The following CDH11 variants were observed in gnomAD, a reference collection of about 807,000 sequenced individuals.
The protein encoded by CDH11 is cadherin 11.
Under a neutral mutation model 67.8 loss-of-function variants are expected in CDH11, and 11 were observed. The ratio of observed to expected loss-of-function variants is 0.16; its 90% CI spans 0.10 to 0.27. CDH11 has a LOEUF of 0.27. Among genes scored for constraint, CDH11 ranks in the 10% least tolerant of loss-of-function variants. The pLI, the probability that CDH11 is intolerant of heterozygous loss-of-function variation, is 1.00. For synonymous variants in CDH11, 419 were observed against 400.0 expected (o/e 1.05, Z -0.57); for missense variants, 847 against 1,031.2 (o/e 0.82, Z 2.45).
chr16:65,091,997 G>T (rs2074800248), intron 1 of CDH11, among the ~76,000 whole-genome samples: 1 of 151,996 alleles, frequency 6.6e-6, no homozygotes, highest in African/African-American at 2.4e-5. Flanking sequence ...GGATCTACCT[G>T]AACTCATTTC....
chr16:65,076,100 G>C (rs1440555010), intron 1 of CDH11, among the ~76,000 whole-genome samples: 1 of 152,172 alleles, frequency 6.6e-6, no homozygotes, highest in Non-Finnish European at 1.5e-5. Context: ...TGTGCCTTGA[G>C]AGTTTGCCAA....
intron 2 of CDH11, among the ~76,000 whole-genome samples, chr16:65,009,748 G>A (rs1002388333): frequency 6.6e-6 from 1 of 152,146 alleles, no homozygotes; most frequent in Admixed American, 6.5e-5. Flanking sequence ...CATATAGGAG[G>A]ACTTTATTTT....
chr16:64,973,751 A>G (rs750571197), intron 8 of CDH11, among the ~76,000 whole-genome samples: 34 of 152,168 alleles, frequency 2.2e-4, no homozygotes, highest in Non-Finnish European at 2.1e-4. Flanking sequence ...GGCTGCAGTT[A>G]GCCAAGATCA....
rs1332868409 is a variant in CDH11, at chr16:64,982,219, T to C, written c.1082A>G (p.Asn361Ser). The C allele has an allele frequency of 4.3e-6, 7 of 1,613,858 alleles. No individual in the cohort carries two copies. The highest frequency in any genetic ancestry group is 3.4e-6 in the Non-Finnish European group (4 of 1,179,880). Residue 361 changes from asparagine (N) to serine (S), a missense_variant, in exon 8 of 13, where the codon AAT becomes AGT. Coordinates refer to ENST00000268603, the MANE Select transcript of CDH11 (RefSeq NM_001797.4). Reference sequence around the variant, plus strand: ...GGTCACAGTGTCCTTGAAAGGGCCATTGCTGATAAACTTCGGGTCGATGTG... The same window carrying C: ...GGTCACAGTGTCCTTGAAAGGGCCACTGCTGATAAACTTCGGGTCGATGTG... ...NVHIDPKFISNGPFKDTVTVK... is the reference protein window; with the variant it reads ...NVHIDPKFISSGPFKDTVTVK...
chr16:65,022,056 C>A (rs923275880), intron 2 of CDH11, among the ~76,000 whole-genome samples: 3 of 152,030 alleles, frequency 2.0e-5, no homozygotes, highest in African/African-American at 2.4e-5. Context: ...ACTCACTAAG[C>A]TACAGTATGA....
At chr16:65,021,490 A>C (rs1379030835) in intron 2 of CDH11, among the ~76,000 whole-genome samples, 1 of 151,900 alleles carries the variant, frequency 6.6e-6, no homozygotes, top group Non-Finnish European at 1.5e-5. Flanking sequence ...GAGAAGAAAA[A>C]AGCTTTTCTT....
chr16:65,100,351 G>A (rs2074969049), intron 1 of CDH11, among the ~76,000 whole-genome samples: 1 of 152,016 alleles, frequency 6.6e-6, no homozygotes, highest in African/African-American at 2.4e-5. Context: ...AAAATACTAA[G>A]GAAGAAAGCA....
chr16:64,946,279 C>T lies in CDH11; in HGVS notation c.*1324G>A, dbSNP rs2071194328. The T allele has an allele frequency of 9.6e-7, 1 of 1,046,260 alleles. No individual in the cohort carries two copies. The highest frequency in any genetic ancestry group is 1.7e-5 in the African/African-American group (1 of 60,040). The allele number at this position is 1,046,260 out of a possible 1,614,324, so 64.8% of individuals were successfully genotyped here. Reference sequence around the variant, plus strand: ...TCTTACAATAGCCTGGTAAGTTCAACAGAAGAAAAAATAGAATAACATTAG... The same window carrying T: ...TCTTACAATAGCCTGGTAAGTTCAATAGAAGAAAAAATAGAATAACATTAG... On this transcript the variant is annotated 3_prime_UTR_variant, in exon 13 of 13. Coordinates refer to ENST00000268603, the MANE Select transcript of CDH11 (RefSeq NM_001797.4).
At chr16:65,050,793 G>A (rs566680533) in intron 2 of CDH11, among the ~76,000 whole-genome samples, 32 of 144,506 alleles carry the variant, frequency 2.2e-4, no homozygotes, top group Non-Finnish European at 4.2e-4. Flanking sequence ...TTAATTTCCA[G>A]GTTAAAAAAA....
chr16:65,071,825 G>A (rs1013700235), intron 1 of CDH11, among the ~76,000 whole-genome samples: 6 of 152,180 alleles, frequency 3.9e-5, no homozygotes, highest in African/African-American at 1.4e-4. Context: ...AGTACAGAAA[G>A]AGCAAAGGCA....
In CDH11 at chr16:64,945,301, TAAA is replaced by T. The variant is rs3046001; in HGVS notation, c.*2299_*2301del. On this transcript the variant is annotated 3_prime_UTR_variant, in exon 13 of 13. Transcript: ENST00000268603. Reference sequence around the variant, plus strand: ...AGAGGCTTAACGAAAAAATAAAAGGTAAAAAAAAAAAAAAAAAAGAAAAAGAAA... The same window carrying T: ...AGAGGCTTAACGAAAAAATAAAAGGTAAAAAAAAAAAAAAAGAAAAAGAAA... 0.1 allele frequency: 40,058 copies of T among 384,244 alleles called. 31 individuals are homozygous for T. The highest frequency in any genetic ancestry group is 0.15 in the East Asian group (1,563 of 10,546). The allele number at this position is 384,244 out of a possible 1,614,324, so 23.8% of individuals were successfully genotyped here. A position where few individuals can be genotyped will look rare whatever the true frequency, so the allele number is the denominator to read the frequency against.
chr16:65,018,612 C>T (rs1475240660), intron 2 of CDH11, among the ~76,000 whole-genome samples: 1 of 152,128 alleles, frequency 6.6e-6, no homozygotes, highest in Non-Finnish European at 1.5e-5. Flanking sequence ...ATTTTATTGA[C>T]TCTGAAATAA....
intron 3 of CDH11, among the ~76,000 whole-genome samples, chr16:65,003,838 G>A (rs1311281274): frequency 2.6e-5 from 4 of 152,148 alleles, no homozygotes; most frequent in African/African-American, 9.7e-5. Flanking sequence ...TCTAGCATCA[G>A]GACATAAGTA....
intron 1 of CDH11, among the ~76,000 whole-genome samples, chr16:65,095,892 G>A (rs908030626): frequency 1.3e-5 from 2 of 152,176 alleles, no homozygotes; most frequent in African/African-American, 2.4e-5. Flanking sequence ...AATCAAAAGA[G>A]CTCCCTGCCT....
chr16:64,986,831 C>T (rs548347298), intron 7 of CDH11: 1 of 151,974 alleles, frequency 6.6e-6, no homozygotes, highest in East Asian at 1.9e-4. Flanking sequence ...GTTTTGTGCT[C>T]TATAATATTT....
chr16:64,960,331 G>C (rs1333833329), intron 11 of CDH11, among the ~76,000 whole-genome samples: 1 of 152,148 alleles, frequency 6.6e-6, no homozygotes, highest in African/African-American at 2.4e-5. Flanking sequence ...AAGATTATAT[G>C]TTATGAAGTG....
chr16:65,105,180 G>T (rs1205478799), intron 1 of CDH11, among the ~76,000 whole-genome samples: 3 of 152,106 alleles, frequency 2.0e-5, no homozygotes, highest in African/African-American at 7.2e-5. Flanking sequence ...CTATATGAAG[G>T]CTGGGTTTTC....
chr16:65,003,276 G>T (rs2072969459), intron 3 of CDH11, among the ~76,000 whole-genome samples: 1 of 149,026 alleles, frequency 6.7e-6, no homozygotes, highest in African/African-American at 2.5e-5. Flanking sequence ...TTCATTTTTT[G>T]AGACAGAGTC....
intron 1 of CDH11, among the ~76,000 whole-genome samples, chr16:65,107,316 T>C (rs932370428): frequency 1.3e-5 from 2 of 152,226 alleles, no homozygotes; most frequent in African/African-American, 2.4e-5. Flanking sequence ...TCATTGAGAC[T>C]GTCCTGAAGA....
Sources: gnomAD v4.1 joint callset for allele counts (sites outside exome capture counted in the v4.1 genomes callset) on GRCh38, gnomAD v4.1.1 for gene constraint, MANE v1.5 for transcripts, NCBI Gene and HGNC (gene_info 2026-07-23, HGNC 2026-07-21) for gene names.